Variants in MICU2 observed in about 807,000 individuals in gnomAD.
MICU2 encodes mitochondrial calcium uptake 2, also known as calcium uptake protein 2, mitochondrial.
In MICU2, 64 loss-of-function variants were observed where a neutral mutation model predicts 60.4. That is an observed-to-expected ratio of 1.06 (90% CI 0.87 to 1.31). MICU2 has a LOEUF of 1.31. MICU2 is among the 50% of genes most tolerant of loss of function. MICU2 has a pLI of 0.00. For synonymous variants in MICU2, 201 were observed against 175.0 expected (o/e 1.15, Z -1.17); for missense variants, 569 against 531.0 (o/e 1.07, Z -0.70).
chr13:21,536,951 C>G (rs1480543889), intron 4 of MICU2, among the ~76,000 whole-genome samples: 1 of 152,184 alleles, frequency 6.6e-6, no homozygotes, highest in Non-Finnish European at 1.5e-5. Flanking sequence ...CCTGCAAGTG[C>G]TTCAGCTTAG....
chr13:21,603,777 C>A, intron 1 of MICU2, 162 bp downstream of exon 1: 2 of 777,350 alleles, frequency 2.6e-6, no homozygotes, highest in Non-Finnish European at 4.1e-6. Flanking sequence ...GGGGCCGGTC[C>A]AGGAAGGAGC....
At chr13:21,587,960 C>T (rs1455029951) in intron 1 of MICU2, among the ~76,000 whole-genome samples, 4 of 152,136 alleles carry the variant, frequency 2.6e-5, no homozygotes, top group African/African-American at 9.7e-5. Flanking sequence ...AGGCATTCTG[C>T]TTTCTCTGAA....
rs1350189919 is a variant in MICU2, at chr13:21,495,304, C to A, written c.1057G>T (p.Ala353Ser). ...TCTTGTCCTGTTGCTACTTTCACAG[C>A]TCTCTTAAACTCCGCTAAAAAACAA... ...RPVRLAEFKR[A>S]VKVATGQELS... Residue 353 changes from alanine to serine, a missense_variant, in exon 11 of 12, where the codon GCT becomes TCT. Transcript: ENST00000382374. 2 of 1,593,340 alleles carry A rather than the reference C, an allele frequency of 1.3e-6. No individual in the cohort carries two copies. The highest frequency in any genetic ancestry group is 1.7e-6 in the Non-Finnish European group (2 of 1,171,008).
intron 8 of MICU2, among the ~76,000 whole-genome samples, chr13:21,506,004 T>C (rs1886283466): frequency 6.6e-6 from 1 of 152,014 alleles, no homozygotes; most frequent in Non-Finnish European, 1.5e-5. Flanking sequence ...CTTTTCGTTT[T>C]CATTCTTCAT....
intron 6 of MICU2, 55 bp from the exon 7 acceptor site, chr13:21,514,473 A>G (rs1416080379): frequency 7.6e-7 from 1 of 1,311,168 alleles, no homozygotes; most frequent in African/African-American, 1.5e-5. Flanking sequence ...TTTTCAAAAC[A>G]ACCTAAAAAA....
chr13:21,579,407 C>A (rs969296796), intron 1 of MICU2, among the ~76,000 whole-genome samples: 2 of 146,852 alleles, frequency 1.4e-5, no homozygotes, highest in African/African-American at 5.1e-5. Flanking sequence ...ATGATGCAAT[C>A]TTGGCTCACT....
chr13:21,510,144 A>G (rs1886392071), intron 7 of MICU2, 43 bp from the exon 8 acceptor site: 1 of 1,037,358 alleles, frequency 9.6e-7, no homozygotes. Flanking sequence ...TATAAATAAG[A>G]ATAAAAATAG....
chr13:21,592,155 G>A (rs944472253), intron 1 of MICU2, among the ~76,000 whole-genome samples: 19 of 151,716 alleles, frequency 1.3e-4, no homozygotes, highest in African/African-American at 4.4e-4. Flanking sequence ...GAATCAAATA[G>A]ACACAATGAA....
chr13:21,546,740 G>C (rs575669987), intron 2 of MICU2, among the ~76,000 whole-genome samples: 2 of 152,204 alleles, frequency 1.3e-5, no homozygotes, highest in East Asian at 1.9e-4. Flanking sequence ...GTGTGTAGGG[G>C]AAGGTGTTAA....
chr13:21,505,756 T>G (rs1163652729), intron 8 of MICU2, among the ~76,000 whole-genome samples: 1 of 152,194 alleles, frequency 6.6e-6, no homozygotes, highest in Non-Finnish European at 1.5e-5. Flanking sequence ...TTTCAGAAAC[T>G]ACATGATCAC....
intron 4 of MICU2, among the ~76,000 whole-genome samples, chr13:21,537,699 T>C (rs1020214581): frequency 1.3e-5 from 2 of 152,020 alleles, no homozygotes; most frequent in African/African-American, 4.8e-5. Context: ...TCAAACTCTG[T>C]ACCTCAGGTG....
intron 4 of MICU2, among the ~76,000 whole-genome samples, chr13:21,532,553 C>G (rs536169493): frequency 6.6e-6 from 1 of 152,304 alleles, no homozygotes; most frequent in South Asian, 2.1e-4. Flanking sequence ...CTAGAATGAT[C>G]TAATTGTTTG....
intron 9 of MICU2, among the ~76,000 whole-genome samples, chr13:21,499,856 T>G (rs954112966): frequency 6.6e-6 from 1 of 151,958 alleles, no homozygotes; most frequent in South Asian, 2.1e-4. Flanking sequence ...GTGAAACCCA[T>G]CTCTACTAAA....
intron 2 of MICU2, among the ~76,000 whole-genome samples, chr13:21,549,129 C>T (rs1887488685): frequency 2.0e-5 from 3 of 151,694 alleles, no homozygotes; most frequent in African/African-American, 7.3e-5. Flanking sequence ...CGGGGTTTCA[C>T]CGTGTTAGCC....
intron 4 of MICU2, among the ~76,000 whole-genome samples, chr13:21,534,713 T>C (rs1214711306): frequency 6.6e-6 from 1 of 152,202 alleles, no homozygotes; most frequent in Non-Finnish European, 1.5e-5. Context: ...CTATTATGTG[T>C]CAGAGAATGT....
chr13:21,600,713 T>C (rs370741247), intron 1 of MICU2, among the ~76,000 whole-genome samples: 1 of 152,290 alleles, frequency 6.6e-6, no homozygotes, highest in South Asian at 2.1e-4. Context: ...TAGAAAAGTG[T>C]AGGACTCCAT....
intron 9 of MICU2, among the ~76,000 whole-genome samples, chr13:21,498,664 C>T (rs1198841948): frequency 2.0e-5 from 3 of 152,062 alleles, no homozygotes; most frequent in Non-Finnish European, 2.9e-5. Context: ...CAGGCGTGAG[C>T]CACCGCGCCT....
intron 2 of MICU2, among the ~76,000 whole-genome samples, chr13:21,541,862 A>G (rs1016174146): frequency 2.0e-5 from 3 of 152,208 alleles, no homozygotes; most frequent in East Asian, 3.8e-4. Context: ...ATGTATATAA[A>G]AATTTGATCA....
chr13:21,498,092 GAA>G (rs891327150), intron 9 of MICU2, among the ~76,000 whole-genome samples: 1 of 151,142 alleles, frequency 6.6e-6, no homozygotes, highest in African/African-American at 2.4e-5. Context: ...TTCCCTGCCT[GAA>G]AAAAAAAGTT....
Sources: allele counts gnomAD v4.1 joint callset (sites outside exome capture counted in the v4.1 genomes callset), GRCh38; gene constraint gnomAD v4.1.1; transcripts MANE v1.5; gene names NCBI Gene and HGNC (gene_info 2026-07-23, HGNC 2026-07-21).